TMEM132B: variants seen among roughly 807,000 people sequenced by gnomAD.
TMEM132B encodes the protein transmembrane protein 132B.
TMEM132B carries 18 observed loss-of-function variants against 90.8 expected under a neutral mutation model. That is an observed-to-expected ratio of 0.20 (90% CI 0.14 to 0.29). The LOEUF (loss-of-function observed/expected upper bound fraction) is 0.29, where lower values mean the gene tolerates loss of function less well. TMEM132B is among the 10% of genes least tolerant of loss of function. The probability of loss-of-function intolerance (pLI) is 1.00; values close to 1 mark genes in which losing one functional copy is unlikely to be tolerated. For synonymous variants in TMEM132B, 504 were observed against 523.3 expected (o/e 0.96, Z 0.50); for missense variants, 1,096 against 1,326.8 (o/e 0.83, Z 2.70).
intron 6 of TMEM132B, among the ~76,000 whole-genome samples, chr12:125,649,671 A>C (rs1886857296): frequency 6.6e-6 from 1 of 152,190 alleles, no homozygotes; most frequent in Admixed American, 6.5e-5. Flanking sequence ...AGCATGCATG[A>C]GTCACTCCCC....
chr12:125,304,865 T>C (rs1407117393), intron 1 of TMEM132B, among the ~76,000 whole-genome samples: 1 of 152,132 alleles, frequency 6.6e-6, no homozygotes, highest in Non-Finnish European at 1.5e-5. Context: ...CTTTTCTTCT[T>C]TGCTGCTGCT....
chr12:125,309,295 C>T lies in TMEM132B; in HGVS notation c.68-40157C>T, dbSNP rs113642849. On this transcript the variant is annotated intron_variant, in intron 1 of 8. Transcript: ENST00000682704. Reference sequence around the variant, plus strand: ...AAAAGAAAAATATCACTTTATCTGCCTTCCTCTACCTGCCAGATGTTTGTT... The same window carrying T: ...AAAAGAAAAATATCACTTTATCTGCTTTCCTCTACCTGCCAGATGTTTGTT... 8.3e-3 allele frequency among the ~76,000 whole-genome samples: 1,262 copies of T among 152,298 alleles called. 23 individuals are homozygous for T. Among genetic ancestry groups the T allele is most frequent in the African/African-American group, 0.029 (1,205 of 41,556 alleles).
intron 1 of TMEM132B, among the ~76,000 whole-genome samples, chr12:125,307,651 C>T (rs763411123): frequency 6.9e-6 from 1 of 144,980 alleles, no homozygotes; most frequent in Non-Finnish European, 1.5e-5. Context: ...CCAAGCCCCA[C>T]GTCTCTCTCT....
At chr12:125,454,269 G>T (rs1881229058) in intron 3 of TMEM132B, among the ~76,000 whole-genome samples, 1 of 152,148 alleles carries the variant, frequency 6.6e-6, no homozygotes. Context: ...CACTGGCTTT[G>T]AATTTATTCC....
chr12:125,188,852 CAAAAAAA>C (rs72059024), intron 1 of TMEM132B, among the ~76,000 whole-genome samples: 2 of 91,240 alleles, frequency 2.2e-5, no homozygotes, highest in Non-Finnish European at 4.1e-5. Flanking sequence ...GGAGGGATGG[CAAAAAAA>C]AAAAAAAAAA....
At chr12:125,650,377 C>T (rs1209970637) in intron 6 of TMEM132B, among the ~76,000 whole-genome samples, 1 of 152,128 alleles carries the variant, frequency 6.6e-6, no homozygotes, top group African/African-American at 2.4e-5. Context: ...CTCCATCCCA[C>T]AGGGGAATGA....
intron 1 of TMEM132B, among the ~76,000 whole-genome samples, chr12:125,294,538 A>T (rs916345766): frequency 6.6e-6 from 1 of 152,246 alleles, no homozygotes; most frequent in Non-Finnish European, 1.5e-5. Flanking sequence ...TGATAAAATA[A>T]TTATGGCTGC....
At chr12:125,609,657 A>G (rs1476368528) in intron 5 of TMEM132B, among the ~76,000 whole-genome samples, 1 of 151,570 alleles carries the variant, frequency 6.6e-6, no homozygotes, top group Non-Finnish European at 1.5e-5. Context: ...CTACTAAAAA[A>G]ATATAAAAAA....
At position 125,260,273 on chromosome 12, in the gene TMEM132B, A is replaced by G. The variant is rs1418848811; in HGVS notation, c.67+73407A>G. ...TGAGTCTTGGTCTCTGGAGTACATC[A>G]CTACTTGAAATAGTTCCAGGGTTTG... On this transcript the variant is annotated intron_variant, in intron 1 of 8. Coordinates refer to ENST00000682704, the MANE Select transcript of TMEM132B (RefSeq NM_001366854.1). 2.0e-5 allele frequency among the ~76,000 whole-genome samples: 3 copies of G among 152,214 alleles called. No homozygotes were observed. In the East Asian group the frequency reaches 5.8e-4, roughly 29 times the overall value.
chr12:125,537,076 G>A (rs1883823286), intron 4 of TMEM132B, among the ~76,000 whole-genome samples: 1 of 152,022 alleles, frequency 6.6e-6, no homozygotes, highest in Non-Finnish European at 1.5e-5. Flanking sequence ...GCTGTCCCTG[G>A]TATCCTTGAG....
At chr12:125,325,667 CCCTGTG>C (rs1393454358) in intron 1 of TMEM132B, among the ~76,000 whole-genome samples, 2 of 127,772 alleles carry the variant, frequency 1.6e-5, no homozygotes, top group African/African-American at 6.2e-5. Context: ...CTGCCTCCCA[CCCTGTG>C]TGTGTGTGTG....
At chr12:125,340,783 C>T (rs1877155712) in intron 1 of TMEM132B, among the ~76,000 whole-genome samples, 1 of 152,208 alleles carries the variant, frequency 6.6e-6, no homozygotes, top group Admixed American at 6.5e-5. Context: ...CAAAAGCTGT[C>T]AGCAGTCTTG....
At chr12:125,612,586 A>G (rs555320822) in intron 5 of TMEM132B, among the ~76,000 whole-genome samples, 4 of 145,872 alleles carry the variant, frequency 2.7e-5, no homozygotes, top group African/African-American at 7.4e-5. Flanking sequence ...AATATATATT[A>G]TATATATACT....
intron 3 of TMEM132B, among the ~76,000 whole-genome samples, chr12:125,478,825 T>G (rs2136520767): frequency 6.6e-6 from 1 of 151,988 alleles, no homozygotes; most frequent in South Asian, 2.1e-4. Context: ...TCACCAAAGT[T>G]GAAATGAAGG....
At position 125,532,794 on chromosome 12, in the gene TMEM132B, C is replaced by T. The variant is rs192602306; in HGVS notation, c.1293+13169C>T. Among the ~76,000 whole-genome samples, 651 of 152,132 alleles carry T rather than the reference C, an allele frequency of 4.3e-3. 2 individuals are homozygous for T. Among genetic ancestry groups the T allele is most frequent in the South Asian group, 0.011 (51 of 4,788 alleles). ...CCTCCCAAAGTGCTGGGATTACAGGCGTGAACCACCACACCCGGCCTTAGG... is the reference window on the plus strand; with the variant it reads ...CCTCCCAAAGTGCTGGGATTACAGGTGTGAACCACCACACCCGGCCTTAGG... On this transcript the variant is annotated intron_variant, in intron 4 of 8. Transcript: ENST00000682704.
intron 1 of TMEM132B, among the ~76,000 whole-genome samples, chr12:125,299,555 C>T (rs1875763881): frequency 6.6e-6 from 1 of 152,204 alleles, no homozygotes; most frequent in Non-Finnish European, 1.5e-5. Flanking sequence ...TCCCTAGAGC[C>T]TTCAGGAGCC....
chr12:125,328,140 A>T (rs995802172), intron 1 of TMEM132B, among the ~76,000 whole-genome samples: 1 of 152,190 alleles, frequency 6.6e-6, no homozygotes, highest in South Asian at 2.1e-4. Flanking sequence ...ACCGTGTTAT[A>T]TCAAGTGGTG....
At chr12:125,627,800 C>G (rs888202700) in intron 5 of TMEM132B, among the ~76,000 whole-genome samples, 1 of 152,124 alleles carries the variant, frequency 6.6e-6, no homozygotes, top group Admixed American at 6.5e-5. Context: ...ACCATCCCCA[C>G]CTCCCCCACA....
At chr12:125,639,148 T>G (rs1593037934) in intron 5 of TMEM132B, among the ~76,000 whole-genome samples, 1 of 152,028 alleles carries the variant, frequency 6.6e-6, no homozygotes, top group South Asian at 2.1e-4. Context: ...TCCTGTCATC[T>G]CCCCACACCC....
Sources: gnomAD v4.1 joint callset for allele counts (sites outside exome capture counted in the v4.1 genomes callset) on GRCh38, gnomAD v4.1.1 for gene constraint, MANE v1.5 for transcripts, NCBI Gene and HGNC (gene_info 2026-07-23, HGNC 2026-07-21) for gene names.